The following PDE1A variants were observed in gnomAD, a reference collection of about 807,000 sequenced individuals.
The protein encoded by PDE1A is phosphodiesterase 1A.
In PDE1A, 35 loss-of-function variants were observed where a neutral mutation model predicts 61.7. The ratio of observed to expected loss-of-function variants is 0.57; its 90% CI spans 0.43 to 0.75. PDE1A has a LOEUF of 0.75. PDE1A is among the 30% of genes least tolerant of loss of function. The pLI, the probability that PDE1A is intolerant of heterozygous loss-of-function variation, is 0.00. For synonymous variants in PDE1A, 232 were observed against 213.2 expected (o/e 1.09, Z -0.77); for missense variants, 597 against 630.6 (o/e 0.95, Z 0.57).
chr2:182,326,127 T>TA (rs397791417), intron 1 of PDE1A, among the ~76,000 whole-genome samples: 3 of 151,986 alleles, frequency 2.0e-5, no homozygotes, highest in Admixed American at 1.3e-4. Flanking sequence ...ATATATTTTT[T>TA]AAAAAGAACA....
chr2:182,325,621 C>T (rs1408270234), intron 1 of PDE1A, among the ~76,000 whole-genome samples: 2 of 152,066 alleles, frequency 1.3e-5, no homozygotes, highest in African/African-American at 2.4e-5. Flanking sequence ...CTTAACAACA[C>T]CAAAATAAAA....
chr2:182,336,508 T>C (rs1697824215), intron 1 of PDE1A, among the ~76,000 whole-genome samples: 1 of 151,968 alleles, frequency 6.6e-6, no homozygotes, highest in South Asian at 2.1e-4. Flanking sequence ...CTCAGCAAAC[T>C]AACACAGGAA....
At chr2:182,550,301 A>G in the PDE1A span, among the ~76,000 whole-genome samples, 1 of 152,224 alleles carries the variant, frequency 6.6e-6, no homozygotes, top group Non-Finnish European at 1.5e-5. Flanking sequence ...TTTCAAACTT[A>G]GTCTGGAATA....
chr2:182,281,327 C>T (rs1453992244), intron 1 of PDE1A, among the ~76,000 whole-genome samples: 1 of 151,912 alleles, frequency 6.6e-6, no homozygotes, highest in Admixed American at 6.6e-5. Flanking sequence ...TGCTAAAGAA[C>T]GTTATAATGA....
intron 1 of PDE1A, among the ~76,000 whole-genome samples, chr2:182,340,882 T>C (rs908361878): frequency 6.6e-6 from 1 of 152,204 alleles, no homozygotes; most frequent in East Asian, 1.9e-4. Context: ...ACGGATCTTC[T>C]AGGTCTCAGA....
At chr2:182,411,195 C>T (rs1702593692) in intron 1 of PDE1A, among the ~76,000 whole-genome samples, 1 of 152,124 alleles carries the variant, frequency 6.6e-6, no homozygotes, top group Non-Finnish European at 1.5e-5. Context: ...GTTTTTTCTT[C>T]AGCTTATATA....
intron 4 of PDE1A, 23 bp downstream of exon 4, chr2:182,234,409 C>A (rs373143687): frequency 6.5e-7 from 1 of 1,547,802 alleles, no homozygotes; most frequent in South Asian, 1.2e-5. Flanking sequence ...ATTTTATACA[C>A]GAAAATAATG....
chr2:182,455,143 A>G (rs1685818144), intron 2 of PDE1A, among the ~76,000 whole-genome samples: 1 of 152,126 alleles, frequency 6.6e-6, no homozygotes, highest in Admixed American at 6.5e-5. Context: ...GCAGCCAAAA[A>G]ACACATGAAA....
chr2:182,144,366 A>G (rs1203924110), downstream of PDE1A, among the ~76,000 whole-genome samples: 1 of 152,230 alleles, frequency 6.6e-6, no homozygotes, highest in Non-Finnish European at 1.5e-5. Flanking sequence ...CAACCATTCC[A>G]TTTTATTTCC....
At chr2:182,502,391 C>T (rs752847684) in intron 2 of PDE1A, among the ~76,000 whole-genome samples, 1 of 152,022 alleles carries the variant, frequency 6.6e-6, no homozygotes, top group Non-Finnish European at 1.5e-5. Context: ...GTTTTTCTTA[C>T]TCTCTACAGA....
chr2:182,648,037 C>G, the PDE1A span, among the ~76,000 whole-genome samples: 1 of 152,214 alleles, frequency 6.6e-6, no homozygotes, highest in Admixed American at 6.5e-5. Context: ...TAAGAACTGA[C>G]TAGAACACTT....
At chr2:182,332,146 A>C (rs1697455580) in intron 1 of PDE1A, among the ~76,000 whole-genome samples, 1 of 152,066 alleles carries the variant, frequency 6.6e-6, no homozygotes, top group Non-Finnish European at 1.5e-5. Context: ...CGATTCAGCT[A>C]CTGATACTTG....
chr2:182,463,157 T>C (rs1686421595), intron 2 of PDE1A, among the ~76,000 whole-genome samples: 1 of 151,938 alleles, frequency 6.6e-6, no homozygotes, highest in Non-Finnish European at 1.5e-5. Context: ...GAGAATCCCT[T>C]GAACCCAGGA....
the PDE1A span, among the ~76,000 whole-genome samples, chr2:182,679,551 C>T: frequency 2.0e-5 from 3 of 151,882 alleles, no homozygotes; most frequent in Admixed American, 6.6e-5. Context: ...ATTGAAACAT[C>T]ACACTGTACC....
At chr2:182,517,542 A>G (rs1690284669) in intron 2 of PDE1A, among the ~76,000 whole-genome samples, 1 of 152,244 alleles carries the variant, frequency 6.6e-6, no homozygotes, top group Admixed American at 6.5e-5. Flanking sequence ...AGCAAATCCA[A>G]TGAAGTGAGC....
chr2:182,395,392 T>C (rs998921976), intron 1 of PDE1A, among the ~76,000 whole-genome samples: 1 of 152,216 alleles, frequency 6.6e-6, no homozygotes, highest in Non-Finnish European at 1.5e-5. Context: ...ACTGGACTTA[T>C]TGGTGAGACA....
At chr2:182,698,279 A>T in the PDE1A span, among the ~76,000 whole-genome samples, 1 of 152,210 alleles carries the variant, frequency 6.6e-6, no homozygotes, top group Non-Finnish European at 1.5e-5. Flanking sequence ...TACTAAAAAA[A>T]ATCCTGCAGG....
chr2:182,328,457 G>A (rs1044207634), intron 1 of PDE1A, among the ~76,000 whole-genome samples: 5 of 152,170 alleles, frequency 3.3e-5, no homozygotes. Context: ...TTGAGTATAA[G>A]TTGGGGAGAG....
intron 2 of PDE1A, among the ~76,000 whole-genome samples, chr2:182,494,687 AT>A (rs980075312): frequency 5.4e-5 from 8 of 146,866 alleles, no homozygotes; most frequent in East Asian, 2.0e-4. Context: ...TCAGAATTCC[AT>A]TTTTTTTTTC....
Sources: allele counts gnomAD v4.1 joint callset (sites outside exome capture counted in the v4.1 genomes callset), GRCh38; gene constraint gnomAD v4.1.1; transcripts MANE v1.5; gene names NCBI Gene and HGNC (gene_info 2026-07-23, HGNC 2026-07-21).